The following MAP2K6 variants were observed in gnomAD, a reference collection of about 807,000 sequenced individuals.
MAP2K6 encodes the protein mitogen-activated protein kinase kinase 6, also known as dual specificity mitogen-activated protein kinase kinase 6.
MAP2K6 carries 16 observed loss-of-function variants against 53.7 expected under a neutral mutation model. That is an observed-to-expected ratio of 0.30 (90% CI 0.20 to 0.45). MAP2K6 has a LOEUF of 0.45. MAP2K6 is among the 20% of genes least tolerant of loss of function. MAP2K6 has a pLI of 1.00. For missense variants in MAP2K6, 204 were observed against 411.9 expected (o/e 0.50, Z 4.37); for synonymous variants, 132 against 143.1 (o/e 0.92, Z 0.55).
At chr17:69,426,894 T>C (rs1156930275) in intron 1 of MAP2K6, among the ~76,000 whole-genome samples, 1 of 152,164 alleles carries the variant, frequency 6.6e-6, no homozygotes, top group African/African-American at 2.4e-5. Flanking sequence ...CTTACCAAGA[T>C]TAATACTGTA....
At chr17:69,488,131 A>C (rs1462898583) in intron 1 of MAP2K6, among the ~76,000 whole-genome samples, 1 of 152,238 alleles carries the variant, frequency 6.6e-6, no homozygotes, top group Non-Finnish European at 1.5e-5. Context: ...AACCTCATTA[A>C]AAAGTGGGCA....
chr17:69,462,667 CTCCTTTT>C (rs1444273856), intron 1 of MAP2K6, among the ~76,000 whole-genome samples: 2 of 152,200 alleles, frequency 1.3e-5, no homozygotes, highest in Non-Finnish European at 2.9e-5. Flanking sequence ...CTGCACTATT[CTCCTTTT>C]TCACACTCCG....
chr17:69,542,246 T>G lies in MAP2K6; in HGVS notation c.*493T>G, dbSNP rs1007833204. ...GTTAGCAATATTTATAGGGCTTTTATTTTTTAAGTTCAATTGTGTCTGTGG... is the reference window on the plus strand; with the variant it reads ...GTTAGCAATATTTATAGGGCTTTTAGTTTTTAAGTTCAATTGTGTCTGTGG... On this transcript the variant is annotated 3_prime_UTR_variant, in exon 12 of 12. Transcript: ENST00000590474. 1.3e-5 allele frequency: 2 copies of G among 152,676 alleles called. No individual in the cohort carries two copies. Among genetic ancestry groups the G allele is most frequent in the African/African-American group, 4.8e-5 (2 of 41,462 alleles). 9.5% of individuals were successfully genotyped at this position (152,676 alleles called of 1,614,324 possible). A position where few individuals can be genotyped will look rare whatever the true frequency, so the allele number is the denominator to read the frequency against.
intron 1 of MAP2K6, chr17:69,501,657 A>G (rs1037540221): frequency 6.6e-6 from 1 of 152,182 alleles, no homozygotes; most frequent in Admixed American, 6.5e-5. Context: ...GGTCTGATGC[A>G]ATATAGTGCT....
intron 7 of MAP2K6, 30 bp downstream of exon 7, chr17:69,521,130 C>G (rs1389075880): frequency 1.3e-6 from 2 of 1,599,814 alleles, no homozygotes; most frequent in South Asian, 1.1e-5. Flanking sequence ...CTTGGCTGTT[C>G]CTTTGATAAA....
chr17:69,526,488 G>A, intron 9 of MAP2K6, 82 bp from the exon 10 acceptor site: 2 of 1,480,554 alleles, frequency 1.4e-6, no homozygotes, highest in East Asian at 2.3e-5. Flanking sequence ...GTTTCCTGCT[G>A]TCTATCCACA....
At chr17:69,501,901 A>G (rs973759829) in intron 1 of MAP2K6, 4 of 147,184 alleles carry the variant, frequency 2.7e-5, no homozygotes, top group African/African-American at 1.0e-4. Context: ...TTTATTATTC[A>G]TAGTGCTCCC....
chr17:69,486,281 A>G (rs976890166), intron 1 of MAP2K6, among the ~76,000 whole-genome samples: 4 of 152,198 alleles, frequency 2.6e-5, no homozygotes, highest in African/African-American at 7.2e-5. Context: ...TTTATATTTT[A>G]GGCATTGGAG....
chr17:69,534,769 G>T (rs1019251874), intron 10 of MAP2K6, among the ~76,000 whole-genome samples: 10 of 151,916 alleles, frequency 6.6e-5, no homozygotes, highest in African/African-American at 2.4e-5. Context: ...GTTACATTTT[G>T]ATTCCTCCAA....
chr17:69,461,851 A>C (rs1364287119), intron 1 of MAP2K6, among the ~76,000 whole-genome samples: 1 of 152,142 alleles, frequency 6.6e-6, no homozygotes, highest in East Asian at 1.9e-4. Context: ...CGTCAATCAC[A>C]CATTACCAAA....
In MAP2K6 at chr17:69,517,812, G is replaced by GT. The variant is rs1190796530; in HGVS notation, c.246+206dup. Reference sequence around the variant, plus strand: ...TGTGAGTTGTATCTACTTTTTATTTGTTTTTTTAACTCTTAACTCTCCCTC... The same window carrying GT: ...TGTGAGTTGTATCTACTTTTTATTTGTTTTTTTTAACTCTTAACTCTCCCTC... On this transcript the variant is annotated intron_variant, in intron 4 of 11. Transcript: ENST00000590474. 7.2e-5 allele frequency among the ~76,000 whole-genome samples: 11 copies of GT among 152,056 alleles called. No homozygotes were observed. In the South Asian group the frequency reaches 8.3e-4, roughly 11 times the overall value.
At chr17:69,500,447 CAAAAAAAAAAAAAAA>C (rs58712110) in intron 1 of MAP2K6, among the ~76,000 whole-genome samples, 1 of 57,626 alleles carries the variant, frequency 1.7e-5, no homozygotes, top group South Asian at 6.9e-4. Context: ...GACTCTGTCT[CAAAAAAAAAAAAAAA>C]AAAAAAAAAA....
chr17:69,523,775 T>G, intron 8 of MAP2K6, 134 bp downstream of exon 8: 1 of 1,133,606 alleles, frequency 8.8e-7, no homozygotes, highest in East Asian at 2.4e-5. Flanking sequence ...CTCTTAGTAT[T>G]TCTTCAAAAT....
chr17:69,434,447 C>T (rs1190493121), intron 1 of MAP2K6: 4 of 152,172 alleles, frequency 2.6e-5, no homozygotes, highest in South Asian at 4.1e-4. Flanking sequence ...TGCTCACTCA[C>T]ATTTGAGTGC....
chr17:69,496,804 C>T (rs139521798), intron 1 of MAP2K6, among the ~76,000 whole-genome samples: 1 of 152,160 alleles, frequency 6.6e-6, no homozygotes, highest in Non-Finnish European at 1.5e-5. Flanking sequence ...TGCCATGCGT[C>T]CCGTCCCTGC....
chr17:69,532,318 CG>C (rs1276090726), intron 10 of MAP2K6, among the ~76,000 whole-genome samples: 46 of 152,266 alleles, frequency 3.0e-4, no homozygotes, highest in African/African-American at 1.1e-3. Context: ...TGGAAATGAT[CG>C]GGGGAATTCA....
intron 1 of MAP2K6, among the ~76,000 whole-genome samples, chr17:69,497,257 G>T (rs938554290): frequency 1.3e-5 from 2 of 152,330 alleles, no homozygotes; most frequent in East Asian, 3.9e-4. Context: ...AGCATAGGAA[G>T]GTTCAGGGTA....
At chr17:69,455,625 G>T (rs1907379978) in intron 1 of MAP2K6, among the ~76,000 whole-genome samples, 1 of 152,068 alleles carries the variant, frequency 6.6e-6, no homozygotes, top group Non-Finnish European at 1.5e-5. Flanking sequence ...GTAAACTAGG[G>T]ATTAGCAAAC....
intron 2 of MAP2K6, among the ~76,000 whole-genome samples, chr17:69,507,508 C>A (rs1909568532): frequency 6.6e-6 from 1 of 152,186 alleles, no homozygotes; most frequent in Non-Finnish European, 1.5e-5. Flanking sequence ...CGTCCTTAAT[C>A]CCCAGCAACC....
Sources: gnomAD v4.1 joint callset for allele counts (sites outside exome capture counted in the v4.1 genomes callset) on GRCh38, gnomAD v4.1.1 for gene constraint, MANE v1.5 for transcripts, NCBI Gene and HGNC (gene_info 2026-07-23, HGNC 2026-07-21) for gene names.